Variants in DIS3L2 observed in about 807,000 individuals in gnomAD.
DIS3L2 encodes DIS3 like 3'-5' exoribonuclease 2.
Under a neutral mutation model 97.5 loss-of-function variants are expected in DIS3L2, and 34 were observed. That is an observed-to-expected ratio of 0.35 (90% CI 0.27 to 0.46). DIS3L2 has a LOEUF of 0.46. Among genes scored for constraint, DIS3L2 ranks in the 20% least tolerant of loss-of-function variants. The pLI, the probability that DIS3L2 is intolerant of heterozygous loss-of-function variation, is 1.00. For missense variants in DIS3L2, 1,038 were observed against 1,146.0 expected, an observed-to-expected ratio of 0.91 and a Z score of 1.36; for synonymous variants, 435 against 445.2, an observed-to-expected ratio of 0.98 and a Z score of 0.29.
chr2:232,030,947 C>A (rs1454407724), intron 5 of DIS3L2, among the ~76,000 whole-genome samples: 1 of 151,922 alleles, frequency 6.6e-6, no homozygotes, highest in Non-Finnish European at 1.5e-5. Context: ...GTGTCTTCTT[C>A]AATAATACGT....
In DIS3L2 at chr2:232,210,542, C is replaced by A. The variant is rs544261408; in HGVS notation, c.1204+137C>A. ...CTTCGTGCCTGAACTTGCCATAGGC[C>A]TCTGAGCCTTTACAACTATGTGACC... is the stretch of plus-strand genomic sequence containing the variant. On this transcript the variant is annotated intron_variant, in intron 10 of 20. Transcript: ENST00000325385. 7.0e-6 allele frequency: 5 copies of A among 719,314 alleles called. No homozygotes were observed. In the Admixed American group the frequency reaches 1.0e-4, roughly 15 times the overall value. The allele number at this position is 719,314 out of a possible 1,614,324, so 44.6% of individuals were successfully genotyped here.
Position 232,005,201 on chromosome 2 carries a change from G to A in DIS3L2, c.-93-9634G>A, listed in dbSNP as rs79077682. ...TTTTTTTTTTTTTTTTATTTCACTA[G>A]CACTTAGCTTCAGACCCTGTTAGGT... On this transcript the variant is annotated intron_variant, in intron 1 of 20. Transcript: ENST00000325385. Among the ~76,000 whole-genome samples, 402 of 122,990 alleles carry A rather than the reference G, an allele frequency of 3.3e-3. 1 individual carries two copies. Among genetic ancestry groups the A allele is most frequent in the Non-Finnish European group, 4.9e-3 (298 of 60,760 alleles). 80.7% of individuals were successfully genotyped at this position (122,990 alleles called of 152,430 possible). A position where few individuals can be genotyped will look rare whatever the true frequency, so the allele number is the denominator to read the frequency against.
At chr2:232,123,698 A>T (rs776524417) in intron 6 of DIS3L2, among the ~76,000 whole-genome samples, 3 of 152,240 alleles carry the variant, frequency 2.0e-5, no homozygotes, top group Non-Finnish European at 4.4e-5. Context: ...GATTTAAAAA[A>T]AATCTCAAAG....
At chr2:232,054,904 A>G (rs1247320094) in intron 5 of DIS3L2, among the ~76,000 whole-genome samples, 1 of 152,238 alleles carries the variant, frequency 6.6e-6, no homozygotes, top group African/African-American at 2.4e-5. Flanking sequence ...GGGATAATAG[A>G]TTATGAACAG....
At chr2:231,981,383 G>A (rs533532646) in intron 1 of DIS3L2, among the ~76,000 whole-genome samples, 1 of 151,592 alleles carries the variant, frequency 6.6e-6, no homozygotes, top group Non-Finnish European at 1.5e-5. Flanking sequence ...ATATAGGCAT[G>A]TTATCAATAA....
intron 6 of DIS3L2, among the ~76,000 whole-genome samples, chr2:232,119,397 A>C (rs1229116878): frequency 6.6e-6 from 1 of 152,252 alleles, no homozygotes; most frequent in Non-Finnish European, 1.5e-5. Flanking sequence ...CATCACAGGA[A>C]GACGTGAAGC....
At chr2:232,144,827 T>C (rs1051321249) in intron 8 of DIS3L2, among the ~76,000 whole-genome samples, 1 of 152,198 alleles carries the variant, frequency 6.6e-6, no homozygotes, top group Non-Finnish European at 1.5e-5. Flanking sequence ...CCAGTGATTT[T>C]GTAAAACGTT....
At chr2:232,188,603 A>C (rs1282310997) in intron 9 of DIS3L2, among the ~76,000 whole-genome samples, 2 of 152,240 alleles carry the variant, frequency 1.3e-5, no homozygotes, top group Admixed American at 1.3e-4. Context: ...CTTAAGTATA[A>C]AATGTAAAAG....
intron 6 of DIS3L2, among the ~76,000 whole-genome samples, chr2:232,088,119 G>T (rs761476239): frequency 6.6e-6 from 1 of 152,116 alleles, no homozygotes; most frequent in African/African-American, 2.4e-5. Flanking sequence ...TATTTTTGTC[G>T]GCTGGGCACA....
At chr2:232,290,855 A>G (rs1439422889) in intron 13 of DIS3L2, among the ~76,000 whole-genome samples, 1 of 152,206 alleles carries the variant, frequency 6.6e-6, no homozygotes, top group Non-Finnish European at 1.5e-5. Context: ...TCCATGCTGA[A>G]TAGGGTTTAG....
intron 9 of DIS3L2, among the ~76,000 whole-genome samples, chr2:232,204,637 T>C (rs1450626493): frequency 6.6e-6 from 1 of 152,202 alleles, no homozygotes; most frequent in African/African-American, 2.4e-5. Context: ...TTTAAATATT[T>C]GGTCTCACAG....
chr2:232,113,608 A>T (rs981905591), intron 6 of DIS3L2, among the ~76,000 whole-genome samples: 1 of 152,162 alleles, frequency 6.6e-6, no homozygotes, highest in Non-Finnish European at 1.5e-5. Flanking sequence ...GTATTATAAA[A>T]CCCAAAAGGA....
rs145714833 is a variant in DIS3L2, at chr2:232,101,155, C to G, written c.601+13434C>G. Among the ~76,000 whole-genome samples, 123 of 151,526 alleles carry G rather than the reference C, an allele frequency of 8.1e-4. 2 individuals are homozygous for G. The East Asian group carries it at 0.022, about 27-fold the overall frequency. ...GCTGAGGCAGGAGAATCACTTGAACCCGGGAGGCAGAGGTTGCAGTGAGCC... is the reference window on the plus strand; with the variant it reads ...GCTGAGGCAGGAGAATCACTTGAACGCGGGAGGCAGAGGTTGCAGTGAGCC... On this transcript the variant is annotated intron_variant, in intron 6 of 20. Coordinates refer to ENST00000325385, the MANE Select transcript of DIS3L2 (RefSeq NM_152383.5).
chr2:232,128,636 G>A (rs771187351), intron 6 of DIS3L2, among the ~76,000 whole-genome samples: 38 of 151,542 alleles, frequency 2.5e-4, no homozygotes, highest in Admixed American at 3.9e-4. Context: ...TATATTTTTA[G>A]TAGAGACAGA....
chr2:231,976,198 AC>A (rs1693086196), intron 1 of DIS3L2, among the ~76,000 whole-genome samples: 1 of 152,080 alleles, frequency 6.6e-6, no homozygotes, highest in Non-Finnish European at 1.5e-5. Flanking sequence ...AGTGTACATT[AC>A]AACTCTTTTC....
chr2:232,087,977 G>A (rs1238945066), intron 6 of DIS3L2: 12 of 435,238 alleles, frequency 2.8e-5, no homozygotes, highest in African/African-American at 2.1e-4. Context: ...CTGTGTTGCT[G>A]GTTAACGTTG....
chr2:232,242,086 TAACGTC>T (rs1414248290), intron 11 of DIS3L2, among the ~76,000 whole-genome samples: 1 of 152,260 alleles, frequency 6.6e-6, no homozygotes, highest in East Asian at 1.9e-4. Flanking sequence ...GATGTTTTGT[TAACGTC>T]AAACTGTGTA....
intron 3 of DIS3L2, among the ~76,000 whole-genome samples, chr2:232,019,943 C>G (rs1324582543): frequency 6.6e-6 from 1 of 151,022 alleles, no homozygotes; most frequent in Non-Finnish European, 1.5e-5. Flanking sequence ...TTAGGGAAAG[C>G]CTCTGTGAGA....
intron 19 of DIS3L2, chr2:232,335,459 G>A (rs1302349558): frequency 1.4e-5 from 5 of 345,402 alleles, no homozygotes; most frequent in Non-Finnish European, 2.7e-5. Flanking sequence ...CACCAGCAGG[G>A]GGCGCAGCGC....
Sources: allele counts gnomAD v4.1 joint callset (sites outside exome capture counted in the v4.1 genomes callset), GRCh38; gene constraint gnomAD v4.1.1; transcripts MANE v1.5; gene names NCBI Gene and HGNC (gene_info 2026-07-23, HGNC 2026-07-21).